The following B4GALNT3 variants were observed in gnomAD, a reference collection of about 807,000 sequenced individuals.
B4GALNT3 encodes beta-1,4-N-acetylgalactosaminyltransferase 3.
Under a neutral mutation model 120.2 loss-of-function variants are expected in B4GALNT3, and 86 were observed. The observed-to-expected ratio is 0.72, with a 90% CI of 0.60 to 0.86. The LOEUF (loss-of-function observed/expected upper bound fraction) is 0.86, where lower values mean the gene tolerates loss of function less well. Ranked by LOEUF, B4GALNT3 falls within the 40% of genes least tolerant of loss-of-function variation. B4GALNT3 has a pLI of 0.00. For missense variants in B4GALNT3, 1,167 were observed against 1,298.9 expected (o/e 0.90, Z 1.56); for synonymous variants, 518 against 510.4 (o/e 1.01, Z -0.20).
intron 1 of B4GALNT3, among the ~76,000 whole-genome samples, chr12:464,933 G>A (rs996684840): frequency 6.6e-6 from 1 of 152,190 alleles, no homozygotes; most frequent in Non-Finnish European, 1.5e-5. Context: ...CACCACAGCC[G>A]TTCTGATTTG....
chr12:464,365 C>G (rs1946055578), intron 1 of B4GALNT3, among the ~76,000 whole-genome samples: 1 of 152,148 alleles, frequency 6.6e-6, no homozygotes. Flanking sequence ...GGTGGTGGCT[C>G]ACACCTGTAA....
intron 1 of B4GALNT3, among the ~76,000 whole-genome samples, chr12:525,151 C>G (rs1313674966): frequency 2.0e-5 from 3 of 151,640 alleles, no homozygotes; most frequent in African/African-American, 7.3e-5. Context: ...CTCTGTCGCC[C>G]GGGCTGGAGT....
chr12:548,804 G>A lies in B4GALNT3; in HGVS notation c.853+507G>A, dbSNP rs1947040167. Among the ~76,000 whole-genome samples the A allele has an allele frequency of 6.6e-6, 1 of 152,200 alleles. No homozygotes were observed. The highest frequency in any genetic ancestry group is 6.5e-5 in the Admixed American group (1 of 15,278). On this transcript the variant is annotated intron_variant, in intron 9 of 19. Coordinates refer to ENST00000266383, the MANE Select transcript of B4GALNT3 (RefSeq NM_173593.4). This position sits in a 1 kb window ranked among gnomAD's most constrained non-coding sequence, Gnocchi z 4.9. ...GCATGCCTGTAGTCACAGCTACTGG[G>A]AAGGATCGCTTGAGCCCAGGAGTTC...
chr12:501,282 A>G, intron 1 of B4GALNT3, among the ~76,000 whole-genome samples: 1 of 152,222 alleles, frequency 6.6e-6, no homozygotes, highest in African/African-American at 2.4e-5. Context: ...AAGGAATACT[A>G]CTACTAAAAC....
intron 16 of B4GALNT3, 94 bp downstream of exon 16, chr12:557,855 C>T: frequency 2.7e-6 from 4 of 1,501,426 alleles, no homozygotes; most frequent in Non-Finnish European, 3.6e-6. Context: ...GAGTCCTGCC[C>T]AGCCTTCCTG....
At chr12:474,947 CAA>C (rs386375353) in intron 1 of B4GALNT3, among the ~76,000 whole-genome samples, 38 of 60,604 alleles carry the variant, frequency 6.3e-4, no homozygotes, top group African/African-American at 2.0e-3. Flanking sequence ...GACCTTGTCT[CAA>C]AAAAAAAAAA....
At chr12:465,587 T>C (rs1348626653) in intron 1 of B4GALNT3, among the ~76,000 whole-genome samples, 3 of 152,078 alleles carry the variant, frequency 2.0e-5, no homozygotes, top group Non-Finnish European at 2.9e-5. Context: ...TTTTTGACAA[T>C]AGGTGACCTT....
At position 556,648 on chromosome 12, in the gene B4GALNT3, G is replaced by A. The variant is rs140633399; in HGVS notation, c.2162G>A (p.Arg721His). 6.3e-4 allele frequency: 1,019 copies of A among 1,614,066 alleles called. No individual in the cohort carries two copies. The highest frequency in any genetic ancestry group is 7.5e-4 in the Non-Finnish European group (882 of 1,180,054). Residue 721 changes from arginine to histidine, a missense_variant, in exon 15 of 20, where the codon CGC (arginine) becomes CAC (histidine). Coordinates refer to ENST00000266383, the MANE Select transcript of B4GALNT3 (RefSeq NM_173593.4). ...CTTGAACTGTTGGAACAAGGCCAGCGCGTGGTGCGGCTCTCGGAGTATGTG... is the reference window on the plus strand; with the variant it reads ...CTTGAACTGTTGGAACAAGGCCAGCACGTGGTGCGGCTCTCGGAGTATGTG... ...LELELLEQGQ[R>H]VVRLSEYVSA...
chr12:515,504 G>A (rs184851023), intron 1 of B4GALNT3, among the ~76,000 whole-genome samples: 6 of 152,226 alleles, frequency 3.9e-5, no homozygotes, highest in Admixed American at 1.3e-4. Context: ...GCCTCAAAGG[G>A]TTTTTATGAC....
chr12:525,401 G>A (rs1007138464), intron 1 of B4GALNT3, among the ~76,000 whole-genome samples: 7 of 152,156 alleles, frequency 4.6e-5, no homozygotes, highest in Admixed American at 2.6e-4. Flanking sequence ...GAGCCACTGC[G>A]CTCGGCCAAT....
chr12:533,236 C>T (rs1403126648), intron 1 of B4GALNT3, among the ~76,000 whole-genome samples: 1 of 152,208 alleles, frequency 6.6e-6, no homozygotes, highest in Non-Finnish European at 1.5e-5. Flanking sequence ...AGCAGTTTTC[C>T]CCTGAGCTCA....
At chr12:505,091 A>G (rs533442012) in intron 1 of B4GALNT3, among the ~76,000 whole-genome samples, 2 of 152,200 alleles carry the variant, frequency 1.3e-5, no homozygotes, top group Admixed American at 6.5e-5. Context: ...ACAGGGTTTC[A>G]CCATATTGGC....
At chr12:558,694 G>T (rs774206630) in intron 18 of B4GALNT3, 33 bp downstream of exon 18, 1 of 1,607,786 alleles carries the variant, frequency 6.2e-7, no homozygotes, top group Non-Finnish European at 8.5e-7. Flanking sequence ...AGGGAGGAAA[G>T]ACTTCTCTGA....
intron 15 of B4GALNT3, 110 bp downstream of exon 15, chr12:556,976 C>T (rs1947163844): frequency 1.7e-6 from 2 of 1,157,656 alleles, no homozygotes; most frequent in Non-Finnish European, 2.4e-6. Flanking sequence ...CTGAGAAAGA[C>T]CACCTTATAG....
chr12:536,016 C>G (rs539797848), intron 2 of B4GALNT3, among the ~76,000 whole-genome samples: 1 of 152,292 alleles, frequency 6.6e-6, no homozygotes, highest in Non-Finnish European at 1.5e-5. Flanking sequence ...ATGGGGAGGA[C>G]AGAAAATTCA....
chr12:501,676 C>T (rs920156335), intron 1 of B4GALNT3, among the ~76,000 whole-genome samples: 2 of 152,150 alleles, frequency 1.3e-5, no homozygotes, highest in Non-Finnish European at 2.9e-5. Flanking sequence ...GTCGGTGGTG[C>T]CCAGTTGGCC....
intron 3 of B4GALNT3, 108 bp from the exon 4 acceptor site, chr12:544,231 A>G: frequency 1.0e-6 from 1 of 992,522 alleles, no homozygotes; most frequent in Non-Finnish European, 1.5e-6. Context: ...ATCCTCCTGG[A>G]GCTGAGGGTC....
intron 11 of B4GALNT3, 105 bp from the exon 12 acceptor site, chr12:551,958 A>G: frequency 1.2e-6 from 1 of 868,234 alleles, no homozygotes; most frequent in South Asian, 1.4e-5. Context: ...GCGGGTCCCT[A>G]GCAGCCCTAT....
chr12:539,163 G>A (rs893056340), intron 3 of B4GALNT3, among the ~76,000 whole-genome samples: 1 of 152,300 alleles, frequency 6.6e-6, no homozygotes, highest in Non-Finnish European at 1.5e-5. Flanking sequence ...AGCCTCAGAC[G>A]TTTTACTTGG....
Sources: gnomAD v4.1 joint callset for allele counts (sites outside exome capture counted in the v4.1 genomes callset) on GRCh38, gnomAD v4.1.1 for gene constraint, Gnocchi (gnomAD v3.1) non-coding constraint, MANE v1.5 for transcripts, NCBI Gene and HGNC (gene_info 2026-07-23, HGNC 2026-07-21) for gene names.